The following PLEKHM1 variants were observed in gnomAD, a reference collection of about 807,000 sequenced individuals.
The protein encoded by PLEKHM1 is pleckstrin homology and RUN domain containing M1, also known as pleckstrin homology domain-containing family M member 1.
PLEKHM1 carries 28 observed loss-of-function variants against 94.3 expected under a neutral mutation model. That is an observed-to-expected ratio of 0.30 (90% CI 0.22 to 0.41). The LOEUF (loss-of-function observed/expected upper bound fraction) is 0.41. Among genes scored for constraint, PLEKHM1 ranks in the 10% least tolerant of loss-of-function variants. The pLI, the probability that PLEKHM1 is intolerant of heterozygous loss-of-function variation, is 1.00. For missense variants in PLEKHM1, 907 were observed against 1,358.6 expected, an observed-to-expected ratio of 0.67 and a Z score of 5.22; for synonymous variants, 424 against 581.2, an observed-to-expected ratio of 0.73 and a Z score of 3.89.
chr17:45,442,255 C>T (rs2050471668), intron 9 of PLEKHM1, among the ~76,000 whole-genome samples: 1 of 152,202 alleles, frequency 6.6e-6, no homozygotes, highest in Admixed American at 6.5e-5. Flanking sequence ...CATCCAAGAC[C>T]TTCCCATGTC....
At chr17:45,464,793 G>A (rs2051269812) in intron 5 of PLEKHM1, among the ~76,000 whole-genome samples, 2 of 152,346 alleles carry the variant, frequency 1.3e-5, no homozygotes, top group African/African-American at 2.4e-5. Context: ...CTGTCCACTC[G>A]ATGGTACACT....
Position 45,468,479 on chromosome 17 carries a change from G to A in PLEKHM1, c.1038C>T (p.Thr346=). 1 of 1,614,234 alleles carries A rather than the reference G, an allele frequency of 6.2e-7. No homozygotes were observed. Among genetic ancestry groups the A allele is most frequent in the Non-Finnish European group, 8.5e-7 (1 of 1,180,042 alleles). ...GTGCCTCACAGTGCAGGTATGTGCT[G>A]GTGTTGAGGCCATGGAGGGAGAGCG... ...QASLSLHGLN[T]STYLHCEAPA... The change falls in exon 5 of 12, where the codon ACC becomes ACT. Residue 346 remains threonine, a synonymous_variant. Coordinates refer to ENST00000430334, the MANE Select transcript of PLEKHM1 (RefSeq NM_014798.3).
intron 5 of PLEKHM1, among the ~76,000 whole-genome samples, chr17:45,464,847 G>A (rs1462217000): frequency 6.6e-6 from 1 of 152,164 alleles, no homozygotes; most frequent in South Asian, 2.1e-4. Flanking sequence ...GATTAGAGGC[G>A]TGAGCTATCA....
intron 8 of PLEKHM1, among the ~76,000 whole-genome samples, chr17:45,449,220 A>C (rs2050695982): frequency 6.8e-6 from 1 of 148,080 alleles, no homozygotes; most frequent in Admixed American, 6.8e-5. Context: ...GCTCCAAGGT[A>C]TAGCCCTGGC....
chr17:45,445,332 T>G lies in PLEKHM1; in HGVS notation c.2837+138A>C. 1 of 725,570 alleles carries G rather than the reference T, an allele frequency of 1.4e-6. No homozygotes were observed. Among genetic ancestry groups the G allele is most frequent in the Non-Finnish European group, 2.4e-6 (1 of 417,808 alleles). The allele number at this position is 725,570 out of a possible 1,614,324, so 44.9% of individuals were successfully genotyped here. ...ATGGGTGTGGATGTCTATGCATTTGTGTATAAATTTATGTGTGTGGGTATG... is the reference window on the plus strand; with the variant it reads ...ATGGGTGTGGATGTCTATGCATTTGGGTATAAATTTATGTGTGTGGGTATG... On this transcript the variant is annotated intron_variant, in intron 9 of 11. Transcript: ENST00000430334. The surrounding 1 kb of genome is among the most constrained non-coding windows in gnomAD (Gnocchi z 4.2).
At chr17:45,486,674 G>C (rs1442440957) in intron 1 of PLEKHM1, among the ~76,000 whole-genome samples, 2 of 152,150 alleles carry the variant, frequency 1.3e-5, no homozygotes, top group East Asian at 3.8e-4. Flanking sequence ...GCCACAAAAT[G>C]ACTGACAAGA....
At chr17:45,490,195 T>G in intron 1 of PLEKHM1, among the ~76,000 whole-genome samples, 1 of 147,116 alleles carries the variant, frequency 6.8e-6, no homozygotes, top group African/African-American at 2.5e-5. Flanking sequence ...GGGATGGGGG[T>G]GACTGGGATA....
chr17:45,472,388 T>C (rs2051544785), intron 4 of PLEKHM1, among the ~76,000 whole-genome samples: 1 of 152,194 alleles, frequency 6.6e-6, no homozygotes, highest in African/African-American at 2.4e-5. Context: ...GGGACAACAC[T>C]TCCTGCACAG....
intron 8 of PLEKHM1, among the ~76,000 whole-genome samples, chr17:45,446,931 C>T (rs1422600773): frequency 2.0e-5 from 3 of 152,192 alleles, no homozygotes; most frequent in Non-Finnish European, 2.9e-5. Context: ...TTAAGGCTCA[C>T]GGGTTTGGGG....
In PLEKHM1 at chr17:45,468,192, C is replaced by G; in HGVS notation, c.1308+17G>C. On this transcript the variant is annotated intron_variant, in intron 5 of 11. Transcript: ENST00000430334. ...ACATTTCCCAAGACTGCCCCCTGAA[C>G]GGCTTGCACCACTCACCGGACTGGT... is the stretch of plus-strand genomic sequence containing the variant. The G allele has an allele frequency of 6.2e-7, 1 of 1,612,816 alleles. No individual in the cohort carries two copies. The highest frequency in any genetic ancestry group is 8.5e-7 in the Non-Finnish European group (1 of 1,179,814).
At chr17:45,448,446 G>A (rs953957715) in intron 8 of PLEKHM1, among the ~76,000 whole-genome samples, 6 of 152,220 alleles carry the variant, frequency 3.9e-5, no homozygotes, top group Non-Finnish European at 7.3e-5. Flanking sequence ...CTACATAGCT[G>A]GCAGGCCCTG....
In PLEKHM1 at chr17:45,445,075, C is replaced by T. The variant is rs1183765397; in HGVS notation, c.2837+395G>A. Among the ~76,000 whole-genome samples, 2 of 152,256 alleles carry T rather than the reference C, an allele frequency of 1.3e-5. No individual in the cohort carries two copies. Among genetic ancestry groups the T allele is most frequent in the African/African-American group, 4.8e-5 (2 of 41,468 alleles). On this transcript the variant is annotated intron_variant, in intron 9 of 11. Transcript: ENST00000430334. The surrounding 1 kb of genome is among the most constrained non-coding windows in gnomAD (Gnocchi z 4.2). The stretch of plus-strand genomic sequence containing the variant: ...CTGCTCATTGTTGGAGCCTACATGC[C>T]TCGCCAGGTGTGCAGTGCTTAGTAT...
At chr17:45,470,908 C>G (rs546931137) in intron 4 of PLEKHM1, among the ~76,000 whole-genome samples, 6 of 151,886 alleles carry the variant, frequency 4.0e-5, no homozygotes, top group Non-Finnish European at 8.8e-5. Flanking sequence ...CCTCGTGATC[C>G]GCCTGCTTTG....
At chr17:45,472,242 G>A (rs149366495) in intron 4 of PLEKHM1, among the ~76,000 whole-genome samples, 18,355 of 149,952 alleles carry the variant, frequency 0.12, 1,536 homozygotes, top group Middle Eastern at 0.21. Flanking sequence ...TAACTTCAAG[G>A]CCCAGCTCTA....
intron 1 of PLEKHM1, among the ~76,000 whole-genome samples, chr17:45,485,277 A>G (rs955287570): frequency 6.6e-6 from 1 of 152,058 alleles, no homozygotes; most frequent in African/African-American, 2.4e-5. Context: ...GGCTCCATCA[A>G]GGCTACCCTT....
intron 8 of PLEKHM1, among the ~76,000 whole-genome samples, chr17:45,446,497 G>A (rs2050611378): frequency 6.6e-6 from 1 of 152,178 alleles, no homozygotes; most frequent in Non-Finnish European, 1.5e-5. Context: ...CTAATCAGAA[G>A]CCCCCTCCCC....
At position 45,475,679 on chromosome 17, in the gene PLEKHM1, A is replaced by G. The variant is rs1389752918; in HGVS notation, c.344T>C (p.Val115Ala). ...CCGCAGCCATGCCCGGCAGCGGCCC[A>G]CATCCGTGTTGACAAACGTCAGGTG... Reference protein sequence around the residue: ...LEHLTFVNTDVGRCRAWLRLA... With the variant: ...LEHLTFVNTDAGRCRAWLRLA... Residue 115 changes from valine to alanine, a missense_variant, in exon 4 of 12, where the codon GTG becomes GCG. Physicochemically the swap from Val to Ala is moderately conservative, Grantham distance 64 (BLOSUM62 0). Transcript: ENST00000430334. The G allele has an allele frequency of 1.9e-6, 3 of 1,613,518 alleles. No homozygotes were observed. The African/African-American group carries it at 4.0e-5, about 22-fold the overall frequency.
intron 9 of PLEKHM1, among the ~76,000 whole-genome samples, chr17:45,443,092 C>G (rs28754820): frequency 0.014 from 2,183 of 152,232 alleles, 46 homozygotes; most frequent in African/African-American, 0.049. Context: ...GCTTTATTCC[C>G]TTTCATAAAT....
At chr17:45,443,867 G>A (rs1283098554) in intron 9 of PLEKHM1, among the ~76,000 whole-genome samples, 1 of 152,106 alleles carries the variant, frequency 6.6e-6, no homozygotes, top group Admixed American at 6.5e-5. Flanking sequence ...AGTCACCCAC[G>A]ATGCTTGGGA....
Sources: allele counts gnomAD v4.1 joint callset (sites outside exome capture counted in the v4.1 genomes callset), GRCh38; gene constraint gnomAD v4.1.1; non-coding constraint Gnocchi (gnomAD v3.1); transcripts MANE v1.5; gene names NCBI Gene and HGNC (gene_info 2026-07-23, HGNC 2026-07-21).